The following PIP5K1B variants were observed in gnomAD, a reference collection of about 807,000 sequenced individuals.
PIP5K1B encodes phosphatidylinositol-4-phosphate 5-kinase type 1 beta.
In PIP5K1B, 42 loss-of-function variants were observed where a neutral mutation model predicts 67.0. The ratio of observed to expected loss-of-function variants is 0.63; its 90% CI spans 0.49 to 0.81. PIP5K1B has a LOEUF of 0.81. Among genes scored for constraint, PIP5K1B ranks in the 30% least tolerant of loss-of-function variants. The pLI is 0.00. For missense variants in PIP5K1B, 459 were observed against 646.3 expected, an observed-to-expected ratio of 0.71 and a Z score of 3.14; for synonymous variants, 214 against 231.4, an observed-to-expected ratio of 0.92 and a Z score of 0.68.
chr9:68,997,472 T>TA (rs1830646163), intron 15 of PIP5K1B, among the ~76,000 whole-genome samples: 1 of 152,090 alleles, frequency 6.6e-6, no homozygotes, highest in African/African-American at 2.4e-5. Context: ...GGGTTTTTGG[T>TA]AGATTTTAGT....
intron 10 of PIP5K1B, 53 bp downstream of exon 10, chr9:68,919,615 G>C: frequency 1.4e-6 from 2 of 1,412,894 alleles, no homozygotes; most frequent in Non-Finnish European, 2.0e-6. Flanking sequence ...TCTACAAAAG[G>C]TTCTGAAAAA....
At chr9:68,745,750 T>C (rs1829265476) in intron 2 of PIP5K1B, among the ~76,000 whole-genome samples, 1 of 152,194 alleles carries the variant, frequency 6.6e-6, no homozygotes, top group Non-Finnish European at 1.5e-5. Flanking sequence ...TGTTCCTTCC[T>C]TAGTAAAGAC....
intron 14 of PIP5K1B, among the ~76,000 whole-genome samples, chr9:68,968,495 C>T (rs1829156664): frequency 9.9e-6 from 1 of 101,216 alleles, no homozygotes; most frequent in African/African-American, 3.3e-5. Flanking sequence ...GAGAGCAAGA[C>T]TCTGTCTCAA....
intron 8 of PIP5K1B, among the ~76,000 whole-genome samples, chr9:68,897,692 A>C (rs1825157638): frequency 6.6e-6 from 1 of 152,160 alleles, no homozygotes; most frequent in African/African-American, 2.4e-5. Context: ...TTAAGGACTT[A>C]GCAGTAGCAA....
chr9:68,940,577 A>T, intron 13 of PIP5K1B, 69 bp from the exon 14 acceptor site: 1 of 1,414,218 alleles, frequency 7.1e-7, no homozygotes, highest in Non-Finnish European at 9.7e-7. Context: ...ACTCATTTCA[A>T]TTATTATAGA....
chr9:69,008,349 G>A, intron 15 of PIP5K1B, 98 bp from the exon 16 acceptor site: 1 of 1,030,418 alleles, frequency 9.7e-7, no homozygotes, highest in Non-Finnish European at 1.5e-6. Context: ...AGACACAAGT[G>A]ATTGGGAGAA....
rs1022818153 is a variant in PIP5K1B, at chr9:69,009,048, G to A, written c.*599G>A. 1 of 152,764 alleles carries A rather than the reference G, an allele frequency of 6.5e-6. No homozygotes were observed. The highest frequency in any genetic ancestry group is 1.5e-5 in the Non-Finnish European group (1 of 68,204). 9.5% of individuals were successfully genotyped at this position (152,764 alleles called of 1,614,324 possible). A position where few individuals can be genotyped will look rare whatever the true frequency, so the allele number is the denominator to read the frequency against. ...CTATTTATAAAAGGCCTTATGTCGT[G>A]TACATACATTGTCTTTGAAATATTT... On this transcript the variant is annotated 3_prime_UTR_variant, in exon 16 of 16. Transcript: ENST00000265382.
At chr9:68,911,822 G>A (rs925118769) in intron 8 of PIP5K1B, among the ~76,000 whole-genome samples, 1 of 152,146 alleles carries the variant, frequency 6.6e-6, no homozygotes, top group Admixed American at 6.5e-5. Context: ...GGTCAAGGCT[G>A]CAGTGAGTCA....
At chr9:68,771,447 A>G (rs531087220) in intron 2 of PIP5K1B, among the ~76,000 whole-genome samples, 19 of 152,308 alleles carry the variant, frequency 1.2e-4, no homozygotes, top group African/African-American at 4.6e-4. Context: ...GAGGAACCCA[A>G]GTGTATTTCA....
chr9:68,812,257 A>T (rs1198642913), intron 2 of PIP5K1B, among the ~76,000 whole-genome samples: 1 of 152,222 alleles, frequency 6.6e-6, no homozygotes, highest in African/African-American at 2.4e-5. Context: ...ATGAAATCAC[A>T]TATGTGGCAG....
chr9:68,812,351 A>C (rs1340900088), intron 2 of PIP5K1B, among the ~76,000 whole-genome samples: 1 of 152,224 alleles, frequency 6.6e-6, no homozygotes, highest in African/African-American at 2.4e-5. Flanking sequence ...AAAGCTATGA[A>C]ATAGTATAAA....
chr9:68,723,694 G>GTTTTTTTTTTTTTTTT (rs1224332057), intron 1 of PIP5K1B, among the ~76,000 whole-genome samples: 2 of 36,708 alleles, frequency 5.4e-5, no homozygotes, highest in Admixed American at 6.1e-4. Context: ...TGAAGTATTT[G>GTTTTTTTTTTTTTTTT]GTTTTTTTTT....
intron 5 of PIP5K1B, among the ~76,000 whole-genome samples, chr9:68,875,874 T>C (rs1185259144): frequency 6.6e-6 from 1 of 152,080 alleles, no homozygotes; most frequent in Non-Finnish European, 1.5e-5. Context: ...TTGTATGGAG[T>C]CAAAGAATAA....
chr9:68,936,672 T>G (rs1827281335), intron 13 of PIP5K1B, among the ~76,000 whole-genome samples: 1 of 152,192 alleles, frequency 6.6e-6, no homozygotes, highest in African/African-American at 2.4e-5. Context: ...TTCTTTCTCA[T>G]CTTCCCATAA....
chr9:68,740,100 C>T (rs1471943013), intron 1 of PIP5K1B, among the ~76,000 whole-genome samples: 1 of 152,184 alleles, frequency 6.6e-6, no homozygotes, highest in Non-Finnish European at 1.5e-5. Flanking sequence ...CAATCCCTAC[C>T]AGTAAGATAA....
chr9:68,788,214 G>T, intron 2 of PIP5K1B: 1 of 337,264 alleles, frequency 3.0e-6, no homozygotes, highest in Non-Finnish European at 5.5e-6. Flanking sequence ...GTGGGCCCAG[G>T]AGGGGACTGT....
intron 2 of PIP5K1B, among the ~76,000 whole-genome samples, chr9:68,799,105 A>C (rs1343634416): frequency 6.6e-6 from 1 of 152,208 alleles, no homozygotes; most frequent in African/African-American, 2.4e-5. Context: ...GTTTTTGAGG[A>C]TTCTAAAGGG....
At chr9:69,004,914 G>C (rs895853924) in intron 15 of PIP5K1B, among the ~76,000 whole-genome samples, 8 of 152,160 alleles carry the variant, frequency 5.3e-5, no homozygotes, top group Admixed American at 1.3e-4. Flanking sequence ...AGATCCCACA[G>C]ATACCTCTCC....
At chr9:68,999,858 A>G (rs1481422623) in intron 15 of PIP5K1B, among the ~76,000 whole-genome samples, 1 of 152,218 alleles carries the variant, frequency 6.6e-6, no homozygotes, top group South Asian at 2.1e-4. Flanking sequence ...TGGAGCCCCT[A>G]GAGTTGAAAC....
Sources: gnomAD v4.1 joint callset for allele counts (sites outside exome capture counted in the v4.1 genomes callset) on GRCh38, gnomAD v4.1.1 for gene constraint, MANE v1.5 for transcripts, NCBI Gene and HGNC (gene_info 2026-07-23, HGNC 2026-07-21) for gene names.